OR56A3: variants seen among roughly 807,000 people sequenced by gnomAD.
OR56A3 encodes the protein olfactory receptor 56A3.
Under a neutral mutation model 17.5 loss-of-function variants are expected in OR56A3, and 23 were observed. The observed-to-expected ratio is 1.32, with a 90% CI of 0.95 to 1.87. The LOEUF (loss-of-function observed/expected upper bound fraction) is 1.87, where lower values mean the gene tolerates loss of function less well. Among genes scored for constraint, OR56A3 ranks in the 40% most tolerant of loss-of-function variants. The probability of loss-of-function intolerance (pLI) is 0.00; values close to 1 mark genes in which losing one functional copy is unlikely to be tolerated. For missense variants in OR56A3, 366 were observed against 380.1 expected, an observed-to-expected ratio of 0.96 and a Z score of 0.31; for synonymous variants, 175 against 150.6, an observed-to-expected ratio of 1.16 and a Z score of -1.19.
At chr11:5,986,708 G>T in the OR56A3 span, 1 of 1,613,932 alleles carries the variant, frequency 6.2e-7, no homozygotes. Context: ...TACATAGATT[G>T]GTGCAAGGAT....
At chr11:6,016,766 A>C in the OR56A3 span, among the ~76,000 whole-genome samples, 21 of 151,654 alleles carry the variant, frequency 1.4e-4, no homozygotes, top group Non-Finnish European at 2.5e-4. Flanking sequence ...ACAAAAAAAA[A>C]CCCCAGAAAA....
the OR56A3 span, among the ~76,000 whole-genome samples, chr11:5,982,734 G>C: frequency 4.6e-5 from 7 of 152,110 alleles, no homozygotes; most frequent in African/African-American, 1.4e-4. Context: ...CTGGAGTCCC[G>C]TTCCTTCCAT....
chr11:6,000,960 G>A, the OR56A3 span: 2 of 152,196 alleles, frequency 1.3e-5, no homozygotes, highest in African/African-American at 4.8e-5. Flanking sequence ...GTCCAGTTGG[G>A]ACAGTTGTCA....
At chr11:6,000,211 G>C in the OR56A3 span, 9 of 152,294 alleles carry the variant, frequency 5.9e-5, no homozygotes, top group African/African-American at 1.4e-4. Context: ...TTGGAACCAA[G>C]CCAAATGTCC....
In OR56A3 at chr11:5,949,122, A is replaced by T. The variant is rs1244713342; in HGVS notation, c.*828A>T. ...AATCTAGCAATAATATTGACACCTA[A>T]AATACTTTTCCTGAACATTATTTTC... On this transcript the variant is annotated 3_prime_UTR_variant, in exon 3 of 3. Transcript: ENST00000641160. The T allele has an allele frequency of 6.6e-6, 1 of 152,234 alleles. No individual in the cohort carries two copies. The highest frequency in any genetic ancestry group is 1.5e-5 in the Non-Finnish European group (1 of 68,048). 9.4% of individuals were successfully genotyped at this position (152,234 alleles called of 1,614,324 possible). A position where few individuals can be genotyped will look rare whatever the true frequency, so the allele number is the denominator to read the frequency against.
At chr11:5,963,614 C>T in the OR56A3 span, among the ~76,000 whole-genome samples, 1 of 152,048 alleles carries the variant, frequency 6.6e-6, no homozygotes, top group Non-Finnish European at 1.5e-5. Flanking sequence ...TCTCTTGCTG[C>T]TTTCAAGATC....
chr11:5,977,752 T>C, the OR56A3 span, among the ~76,000 whole-genome samples: 17 of 152,238 alleles, frequency 1.1e-4, no homozygotes, highest in African/African-American at 4.1e-4. Context: ...TTTGTTGCAA[T>C]TACTTTTGGA....
chr11:5,976,610 G>A, the OR56A3 span, among the ~76,000 whole-genome samples: 17 of 151,764 alleles, frequency 1.1e-4, no homozygotes, highest in South Asian at 1.3e-3. Flanking sequence ...GTTCTTACTC[G>A]GGCTTTATTA....
At chr11:5,983,852 T>C in the OR56A3 span, among the ~76,000 whole-genome samples, 17 of 151,346 alleles carry the variant, frequency 1.1e-4, no homozygotes, top group Non-Finnish European at 1.9e-4. Context: ...CTCATGGATA[T>C]GTAAGGATGG....
chr11:5,987,888 T>TG, the OR56A3 span, among the ~76,000 whole-genome samples: 1 of 152,172 alleles, frequency 6.6e-6, no homozygotes, highest in Non-Finnish European at 1.5e-5. Context: ...CCTGAAGTCA[T>TG]GGGTTTTTTT....
At chr11:5,964,465 G>T in the OR56A3 span, among the ~76,000 whole-genome samples, 1 of 152,146 alleles carries the variant, frequency 6.6e-6, no homozygotes, top group African/African-American at 2.4e-5. Flanking sequence ...AAGACCTGGG[G>T]GTACTCTAAG....
chr11:6,021,722 T>C, the OR56A3 span: 1 of 151,928 alleles, frequency 6.6e-6, no homozygotes, highest in Non-Finnish European at 1.5e-5. Context: ...CAAAGGCAGA[T>C]GGCATTAAAA....
chr11:5,949,726 G>C lies in OR56A3; in HGVS notation c.*1432G>C, dbSNP rs975545230. 6.6e-6 allele frequency: 1 copy of C among 152,044 alleles called. No homozygotes were observed. Among genetic ancestry groups the C allele is most frequent in the Non-Finnish European group, 1.5e-5 (1 of 68,014 alleles). 9.4% of individuals were successfully genotyped at this position (152,044 alleles called of 1,614,324 possible). A position where few individuals can be genotyped will look rare whatever the true frequency, so the allele number is the denominator to read the frequency against. On this transcript the variant is annotated 3_prime_UTR_variant, in exon 3 of 3. Transcript: ENST00000641160. ...GATTAAGCCCTGTCCTACTCAAGCA[G>C]AATTCCGCAGAGCTCTCTCCGTTCA...
At chr11:5,952,236 C>T (rs1003533260), downstream of OR56A3, among the ~76,000 whole-genome samples, 5 of 152,156 alleles carry the variant, frequency 3.3e-5, no homozygotes, top group East Asian at 1.9e-4. Context: ...AGGTGCAAGG[C>T]GGTTGCCACT....
chr11:5,990,980 A>G, the OR56A3 span, among the ~76,000 whole-genome samples: 7 of 152,124 alleles, frequency 4.6e-5, no homozygotes, highest in Non-Finnish European at 8.8e-5. Context: ...TAGCCCCAGG[A>G]ACTCCCTAAG....
At chr11:6,009,884 T>A in the OR56A3 span, among the ~76,000 whole-genome samples, 6 of 152,290 alleles carry the variant, frequency 3.9e-5, no homozygotes, top group African/African-American at 1.4e-4. Flanking sequence ...TCTTTTTAAA[T>A]TCTCTTTATC....
chr11:6,011,474 G>C, the OR56A3 span, among the ~76,000 whole-genome samples: 1 of 148,574 alleles, frequency 6.7e-6, no homozygotes, highest in South Asian at 2.1e-4. Flanking sequence ...AATGAATCTA[G>C]ATACCTGTAT....
chr11:5,955,628 T>C (rs558652066), downstream of OR56A3, among the ~76,000 whole-genome samples: 1 of 152,256 alleles, frequency 6.6e-6, no homozygotes, highest in South Asian at 2.1e-4. Flanking sequence ...GGCATGCTTC[T>C]GGGGGGTTAC....
the OR56A3 span, among the ~76,000 whole-genome samples, chr11:5,998,478 C>T: frequency 0.04 from 6,129 of 152,164 alleles, 159 homozygotes; most frequent in African/African-American, 0.074. Flanking sequence ...GAAGGGAGAG[C>T]GGCAGACAAA....
Sources: gnomAD v4.1 joint callset for allele counts (sites outside exome capture counted in the v4.1 genomes callset) on GRCh38, gnomAD v4.1.1 for gene constraint, MANE v1.5 for transcripts, NCBI Gene and HGNC (gene_info 2026-07-23, HGNC 2026-07-21) for gene names.